The following SLC24A3 variants were observed in gnomAD, a reference collection of about 807,000 sequenced individuals.
SLC24A3 encodes the protein solute carrier family 24 member 3.
A neutral mutation model predicts 75.8 loss-of-function variants in SLC24A3; 28 were observed. The ratio of observed to expected loss-of-function variants is 0.37; its 90% confidence interval spans 0.27 to 0.51. SLC24A3 has a LOEUF of 0.51. Among genes scored for constraint, SLC24A3 ranks in the 20% least tolerant of loss-of-function variants. The pLI is 0.94. For missense variants in SLC24A3, 663 were observed against 847.8 expected (o/e 0.78, Z 2.71); for synonymous variants, 372 against 334.1 (o/e 1.11, Z -1.24).
chr20:19,716,127 C>T (rs2033043097), intron 15 of SLC24A3, among the ~76,000 whole-genome samples: 1 of 152,144 alleles, frequency 6.6e-6, no homozygotes, highest in South Asian at 2.1e-4. Flanking sequence ...CTGGGTGGGG[C>T]CTGAGATCCT....
At chr20:19,272,734 C>T (rs921881150) in intron 1 of SLC24A3, among the ~76,000 whole-genome samples, 16 of 152,224 alleles carry the variant, frequency 1.1e-4, no homozygotes, top group Non-Finnish European at 2.2e-4. Flanking sequence ...CCTCCCTCCT[C>T]CCTTGGTGGT....
chr20:19,376,751 C>T (rs1411658767), intron 2 of SLC24A3, among the ~76,000 whole-genome samples: 2 of 152,078 alleles, frequency 1.3e-5, no homozygotes, highest in Admixed American at 6.6e-5. Flanking sequence ...GATCCAGTAG[C>T]GTTCACGGCT....
chr20:19,639,726 G>A (rs2032049767), intron 6 of SLC24A3, among the ~76,000 whole-genome samples: 1 of 152,254 alleles, frequency 6.6e-6, no homozygotes, highest in African/African-American at 2.4e-5. Flanking sequence ...AGCCCATGGA[G>A]TGGGTGGGAG....
intron 2 of SLC24A3, among the ~76,000 whole-genome samples, chr20:19,285,503 G>C (rs573168093): frequency 9.2e-6 from 1 of 109,064 alleles, no homozygotes; most frequent in Non-Finnish European, 1.9e-5. Context: ...AAAAAAAAAA[G>C]GCATTTTTCC....
intron 15 of SLC24A3, among the ~76,000 whole-genome samples, chr20:19,713,462 C>T (rs1038220673): frequency 2.0e-5 from 3 of 152,170 alleles, no homozygotes; most frequent in African/African-American, 7.2e-5. Context: ...CTCACTCTGA[C>T]CAGTCCCTGC....
intron 2 of SLC24A3, among the ~76,000 whole-genome samples, chr20:19,452,376 ATGTGTGTGTGTGTGTGTGTGTGTG>A (rs34840970): frequency 3.5e-5 from 4 of 113,000 alleles, no homozygotes; most frequent in Non-Finnish European, 5.5e-5. Context: ...CCTGTGGGGG[ATGTGTGTGTGTGTGTGTGTGTGTG>A]TGTGTGTGTG....
chr20:19,445,904 TA>T (rs1265111461), intron 2 of SLC24A3, among the ~76,000 whole-genome samples: 4 of 152,152 alleles, frequency 2.6e-5, no homozygotes, highest in African/African-American at 9.7e-5. Context: ...GTAGGTATAT[TA>T]AAAGAATAAA....
intron 1 of SLC24A3, among the ~76,000 whole-genome samples, chr20:19,239,842 G>A (rs1284257119): frequency 6.6e-6 from 1 of 152,158 alleles, no homozygotes; most frequent in Non-Finnish European, 1.5e-5. Flanking sequence ...CAGGGGCCCT[G>A]TGGGCAGCCT....
At chr20:19,453,320 C>T (rs1238681688) in intron 2 of SLC24A3, among the ~76,000 whole-genome samples, 1 of 151,946 alleles carries the variant, frequency 6.6e-6, no homozygotes, top group Admixed American at 6.5e-5. Context: ...CATGCCACTG[C>T]CTCCAGCCTG....
intron 2 of SLC24A3, among the ~76,000 whole-genome samples, chr20:19,366,647 A>G (rs909374734): frequency 6.6e-6 from 1 of 152,164 alleles, no homozygotes; most frequent in African/African-American, 2.4e-5. Flanking sequence ...CTTAGTAAAG[A>G]TGAGTGGGAA....
intron 7 of SLC24A3, 115 bp from the exon 8 acceptor site, chr20:19,665,749 C>T (rs2032391170): frequency 7.4e-7 from 1 of 1,346,970 alleles, no homozygotes; most frequent in Admixed American, 2.4e-5. Flanking sequence ...GTCCTGATTA[C>T]ACCATCCCAG....
chr20:19,287,747 C>T (rs1237283917), intron 2 of SLC24A3, among the ~76,000 whole-genome samples: 2 of 152,096 alleles, frequency 1.3e-5, no homozygotes, highest in Non-Finnish European at 2.9e-5. Flanking sequence ...ATAAAAGAAC[C>T]CTGCGGAAAA....
At chr20:19,230,633 A>G (rs1295585413) in intron 1 of SLC24A3, among the ~76,000 whole-genome samples, 1 of 81,978 alleles carries the variant, frequency 1.2e-5, no homozygotes, top group Admixed American at 1.4e-4. Flanking sequence ...GATGGGGGGG[A>G]ATGGATGGGT....
intron 2 of SLC24A3, among the ~76,000 whole-genome samples, chr20:19,404,493 A>C (rs1018829116): frequency 3.9e-5 from 6 of 152,340 alleles, no homozygotes; most frequent in Non-Finnish European, 7.3e-5. Flanking sequence ...CCAGGAAACA[A>C]GAAATCCCCT....
chr20:19,221,411 A>T (rs1033087980), intron 1 of SLC24A3, among the ~76,000 whole-genome samples: 1 of 152,126 alleles, frequency 6.6e-6, no homozygotes, highest in Admixed American at 6.5e-5. Context: ...TTCCCTTGGG[A>T]TGAAAGCCCT....
At chr20:19,425,550 A>G (rs961284574) in intron 2 of SLC24A3, among the ~76,000 whole-genome samples, 2 of 152,174 alleles carry the variant, frequency 1.3e-5, no homozygotes, top group Admixed American at 6.5e-5. Flanking sequence ...TTCCCGTTGC[A>G]TCGGTTCCAG....
intron 2 of SLC24A3, among the ~76,000 whole-genome samples, chr20:19,421,805 CAGGA>C (rs1236736061): frequency 6.6e-6 from 1 of 152,202 alleles, no homozygotes; most frequent in Non-Finnish European, 1.5e-5. Flanking sequence ...AGGTTCAACA[CAGGA>C]AGAAGAGGGG....
At chr20:19,494,296 T>C (rs1988250157) in intron 2 of SLC24A3, among the ~76,000 whole-genome samples, 1 of 152,220 alleles carries the variant, frequency 6.6e-6, no homozygotes, top group Admixed American at 6.5e-5. Context: ...CTCTCCAGAA[T>C]TGAAAATGCT....
rs1332489886 is a variant in SLC24A3, at chr20:19,528,031, C to T, written c.348+12467C>T. ...AGTAAGCAGTCCTGTTTGTCCCAGGCTCCAAGATTCCACCTAGTAAGGGCC... is the reference window on the plus strand; with the variant it reads ...AGTAAGCAGTCCTGTTTGTCCCAGGTTCCAAGATTCCACCTAGTAAGGGCC... On this transcript the variant is annotated intron_variant, in intron 3 of 16. Transcript: ENST00000328041. Among the ~76,000 whole-genome samples the T allele has an allele frequency of 5.9e-5, 9 of 152,298 alleles. No individual in the cohort carries two copies. In the East Asian group the frequency reaches 1.4e-3, roughly 23 times the overall value.
Sources: gnomAD v4.1 joint callset for allele counts (sites outside exome capture counted in the v4.1 genomes callset) on GRCh38, gnomAD v4.1.1 for gene constraint, MANE v1.5 for transcripts, NCBI Gene and HGNC (gene_info 2026-07-23, HGNC 2026-07-21) for gene names.